The following IGFBP4 variants were observed in gnomAD, a reference collection of about 807,000 sequenced individuals.
IGFBP4 encodes insulin-like growth factor-binding protein 4.
IGFBP4 carries 9 observed loss-of-function variants against 25.8 expected under a neutral mutation model. The ratio of observed to expected loss-of-function variants is 0.35; its 90% CI spans 0.21 to 0.61. The LOEUF (loss-of-function observed/expected upper bound fraction) is 0.61. IGFBP4 is among the 20% of genes least tolerant of loss of function. IGFBP4 has a pLI of 0.77. For synonymous variants in IGFBP4, 153 were observed against 153.9 expected (o/e 0.99, Z 0.05); for missense variants, 315 against 365.3 (o/e 0.86, Z 1.12).
chr17:40,453,240 C>T lies in IGFBP4; in HGVS notation c.507+98C>T, dbSNP rs939810267. The T allele has an allele frequency of 3.2e-6, 3 of 923,480 alleles. No individual in the cohort carries two copies. The highest frequency in any genetic ancestry group is 3.5e-5 in the African/African-American group (2 of 57,846). The allele number at this position is 923,480 out of a possible 1,614,324, so 57.2% of individuals were successfully genotyped here. On this transcript the variant is annotated intron_variant, in intron 2 of 3. Coordinates refer to ENST00000269593, the MANE Select transcript of IGFBP4 (RefSeq NM_001552.3). This position sits in a 1 kb window ranked among gnomAD's most constrained non-coding sequence, Gnocchi z 4.0. The stretch of plus-strand genomic sequence containing the variant: ...CACGCACCCACACACACCATCACCA[C>T]CAGATCTGGGGCGTGTTCATTCAGC...
intron 1 of IGFBP4, among the ~76,000 whole-genome samples, chr17:40,452,657 C>A (rs1038133998): frequency 4.6e-5 from 7 of 152,054 alleles, no homozygotes; most frequent in African/African-American, 1.2e-4. Context: ...AGCAGGGGGT[C>A]CCCCTGCCTG....
chr17:40,453,019 C>T lies in IGFBP4; in HGVS notation c.384C>T (p.Phe128=). 1.3e-6 allele frequency: 2 copies of T among 1,578,134 alleles called. No homozygotes were observed. Among genetic ancestry groups the T allele is most frequent in the African/African-American group, 1.4e-5 (1 of 73,478 alleles). ...AGGGTGACCACCCCAACAACAGCTT[C>T]AGCCCCTGTAGCGCCCATGACCGCA... ...KDEGDHPNNS[F]SPCSAHDRRC... is the part of the protein sequence containing the mutation. Residue 128 remains phenylalanine, a synonymous_variant, in exon 2 of 4, where the codon TTC becomes TTT. Coordinates refer to ENST00000269593, the MANE Select transcript of IGFBP4 (RefSeq NM_001552.3). The surrounding 1 kb of genome is among the most constrained non-coding windows in gnomAD (Gnocchi z 4.0).
At position 40,456,916 on chromosome 17, in the gene IGFBP4, A is replaced by C; in HGVS notation, c.*333A>C. Reference sequence around the variant, plus strand: ...CACTCACTCACTCATTCCTTCACTCATCCAGCCACCTAAAAACATTTACTG... The same window carrying C: ...CACTCACTCACTCATTCCTTCACTCCTCCAGCCACCTAAAAACATTTACTG... On this transcript the variant is annotated 3_prime_UTR_variant, in exon 4 of 4. Transcript: ENST00000269593. The C allele has an allele frequency of 3.3e-6, 1 of 302,232 alleles. No homozygotes were observed. The highest frequency in any genetic ancestry group is 7.3e-5 in the South Asian group (1 of 13,736). 18.7% of individuals were successfully genotyped at this position (302,232 alleles called of 1,614,324 possible).
chr17:40,448,036 A>C (rs1379386877), intron 1 of IGFBP4, among the ~76,000 whole-genome samples: 3 of 152,186 alleles, frequency 2.0e-5, no homozygotes, highest in African/African-American at 7.2e-5. Flanking sequence ...ATACCCCTTG[A>C]GCCAGACCTC....
intron 1 of IGFBP4, among the ~76,000 whole-genome samples, chr17:40,452,427 C>G (rs148111892): frequency 1.7e-4 from 26 of 152,344 alleles, no homozygotes; most frequent in Admixed American, 1.0e-3. Flanking sequence ...ACTCCCACTT[C>G]TCTCCCACTC....
At chr17:40,454,247 CTG>C (rs995622683) in intron 3 of IGFBP4, among the ~76,000 whole-genome samples, 185 bp downstream of exon 3, 2 of 152,224 alleles carry the variant, frequency 1.3e-5, no homozygotes, top group African/African-American at 2.4e-5. Flanking sequence ...GATGAGGAGA[CTG>C]TGATCCAGAG....
Position 40,446,001 on chromosome 17 carries a change from G to A in IGFBP4, c.349+1917G>A, listed in dbSNP as rs532349162. On this transcript the variant is annotated intron_variant, in intron 1 of 3. Coordinates refer to ENST00000269593, the MANE Select transcript of IGFBP4 (RefSeq NM_001552.3). ...CCCCTAGGGGTTTGGGGAGGGCATG[G>A]CATGAGAATTTTGTGGTTGTCCTCT... is the stretch of plus-strand genomic sequence containing the variant. Among the ~76,000 whole-genome samples the A allele has an allele frequency of 4.9e-4, 74 of 152,142 alleles. 1 individual carries two copies. The South Asian group carries it at 0.012, about 25-fold the overall frequency.
chr17:40,443,959 G>T lies in IGFBP4; in HGVS notation c.224G>T (p.Gly75Val). 1.3e-6 allele frequency: 2 copies of T among 1,530,342 alleles called. No individual in the cohort carries two copies. The highest frequency in any genetic ancestry group is 1.7e-6 in the Non-Finnish European group (2 of 1,144,068). 94.8% of individuals were successfully genotyped at this position (1,530,342 alleles called of 1,614,324 possible). Residue 75 changes from glycine (G) to valine (V), a missense_variant, in exon 1 of 4, where the codon GGC (glycine) becomes GTC (valine). Physicochemically the swap from Gly to Val is moderately radical, Grantham distance 109. Coordinates refer to ENST00000269593, the MANE Select transcript of IGFBP4 (RefSeq NM_001552.3). ...TGCGGGGTGTACACCCCCCGTTGCG[G>T]CTCGGGCCTGCGCTGCTACCCGCCC... Reference protein sequence around the residue: ...MPCGVYTPRCGSGLRCYPPRG... With the variant: ...MPCGVYTPRCVSGLRCYPPRG...
At chr17:40,444,115 C>T in intron 1 of IGFBP4, 31 bp downstream of exon 1, 7 of 1,472,168 alleles carry the variant, frequency 4.8e-6, no homozygotes, top group Non-Finnish European at 5.5e-6. Flanking sequence ...CAATTCCCTC[C>T]TGAGTGCGCT....
Position 40,445,506 on chromosome 17 carries a change from G to A in IGFBP4, c.349+1422G>A, listed in dbSNP as rs3752025. 4.6e-3 allele frequency among the ~76,000 whole-genome samples: 706 copies of A among 152,340 alleles called. 20 individuals carry two copies. The highest frequency in any genetic ancestry group is 0.034 in the Admixed American group (517 of 15,306). On this transcript the variant is annotated intron_variant, in intron 1 of 3. Coordinates refer to ENST00000269593, the MANE Select transcript of IGFBP4 (RefSeq NM_001552.3). ...CTCAATCCTCTGCAGCTTGTCAGCC[G>A]AGGAGAGCAGGATGCAGGGAAAACA...
rs188397158 is a variant in IGFBP4 at position 40,454,184 on chromosome 17, C to T, written c.642+122C>T. On this transcript the variant is annotated intron_variant, in intron 3 of 3. Coordinates refer to ENST00000269593, the MANE Select transcript of IGFBP4 (RefSeq NM_001552.3). ...GGAAACTCCTCAACCCCAACCCAAC[C>T]CCTTGGAGCCTCCCTAAACCTACCT... The T allele has an allele frequency of 4.6e-4, 635 of 1,377,422 alleles. 9 individuals are homozygous for T. The East Asian group carries it at 0.014, about 31-fold the overall frequency. 85.3% of individuals were successfully genotyped at this position (1,377,422 alleles called of 1,614,324 possible). A position where few individuals can be genotyped will look rare whatever the true frequency, so the allele number is the denominator to read the frequency against.
At chr17:40,449,715 T>C (rs1597674962) in intron 1 of IGFBP4, among the ~76,000 whole-genome samples, 1 of 151,336 alleles carries the variant, frequency 6.6e-6, no homozygotes, top group African/African-American at 2.4e-5. Flanking sequence ...CGCCACTGCA[T>C]TCCAGCCTGG....
chr17:40,449,363 C>T (rs1025655776), intron 1 of IGFBP4, among the ~76,000 whole-genome samples: 57 of 152,260 alleles, frequency 3.7e-4, no homozygotes, highest in African/African-American at 1.4e-3. Flanking sequence ...CGCCTGTAAT[C>T]CTAGCACTTT....
chr17:40,450,513 C>T (rs2143740989), intron 1 of IGFBP4, among the ~76,000 whole-genome samples: 1 of 151,760 alleles, frequency 6.6e-6, no homozygotes, highest in African/African-American at 2.4e-5. Flanking sequence ...TTCTTTAATT[C>T]TTGAATTTTT....
chr17:40,452,833 C>T (rs1427830095), intron 1 of IGFBP4, 152 bp from the exon 2 acceptor site: 1 of 551,536 alleles, frequency 1.8e-6, no homozygotes, highest in Non-Finnish European at 3.1e-6. Context: ...TAGGGGGCTG[C>T]TCTTGTTTCT....
At position 40,449,762 on chromosome 17, in the gene IGFBP4, AG is replaced by A. The variant is rs1567800724; in HGVS notation, c.350-3221del. Among the ~76,000 whole-genome samples, 866 of 151,264 alleles carry A rather than the reference AG, an allele frequency of 5.7e-3. 4 individuals are homozygous for A. Among genetic ancestry groups the A allele is most frequent in the Non-Finnish European group, 9.1e-3 (617 of 67,752 alleles). The stretch of plus-strand genomic sequence containing the variant: ...AGACTCCGTCTCAAAAAAAAAAAAA[AG>A]GAGAGAGAGAGAGAAAAAGAAACTC... On this transcript the variant is annotated intron_variant, in intron 1 of 3. Transcript: ENST00000269593.
chr17:40,444,932 C>CAGAGAGAGAGAG (rs10603634), intron 1 of IGFBP4, among the ~76,000 whole-genome samples: 99 of 75,318 alleles, frequency 1.3e-3, no homozygotes, highest in Middle Eastern at 6.3e-3. Flanking sequence ...CACACAGAGA[C>CAGAGAGAGAGAG]AGAGAGAGAG....
chr17:40,451,506 ACCATTTGACCCAGAGGCAGC>A (rs2035682447), intron 1 of IGFBP4, among the ~76,000 whole-genome samples: 1 of 151,018 alleles, frequency 6.6e-6, no homozygotes, highest in Non-Finnish European at 1.5e-5. Flanking sequence ...GCAGAAAAAT[ACCATTTGACCCAGAGGCAGC>A]TCTGGGATCG....
At chr17:40,444,327 G>A (rs1453693930) in intron 1 of IGFBP4, among the ~76,000 whole-genome samples, 2 of 152,208 alleles carry the variant, frequency 1.3e-5, no homozygotes, top group African/African-American at 2.4e-5. Flanking sequence ...ACCTCCAAGG[G>A]TTGTCTGTTT....
Sources: allele counts gnomAD v4.1 joint callset (sites outside exome capture counted in the v4.1 genomes callset), GRCh38; gene constraint gnomAD v4.1.1; non-coding constraint Gnocchi (gnomAD v3.1); transcripts MANE v1.5; gene names NCBI Gene and HGNC (gene_info 2026-07-23, HGNC 2026-07-21).